SIM1: variants seen among roughly 807,000 people sequenced by gnomAD.
The protein encoded by SIM1 is single-minded homolog 1.
Under a neutral mutation model 78.2 loss-of-function variants are expected in SIM1, and 18 were observed. That is an observed-to-expected ratio of 0.23 (90% CI 0.16 to 0.34). The LOEUF (loss-of-function observed/expected upper bound fraction) is 0.34, where lower values mean the gene tolerates loss of function less well. Ranked by LOEUF, SIM1 falls within the 10% of genes least tolerant of loss-of-function variation. The pLI is 1.00. For missense variants in SIM1, 939 were observed against 975.1 expected (o/e 0.96, Z 0.49); for synonymous variants, 417 against 385.2 (o/e 1.08, Z -0.97).
chr6:100,448,168 G>A lies in SIM1; in HGVS notation c.828C>T (p.His276=), dbSNP rs1772411403. The A allele has an allele frequency of 4.3e-6, 7 of 1,613,652 alleles. No homozygotes were observed. Among genetic ancestry groups the A allele is most frequent in the Non-Finnish European group, 5.1e-6 (6 of 1,179,906 alleles). ...TACGCAAATGGTGCGCGCAGCGCAG[G>A]TGGAAGGTGTCGCAGCCGTGCACAT... ...YHHVHGCDTF[H]LRCAHHLLLV... The change falls in exon 8 of 12, where the codon CAC becomes CAT. Residue 276 remains histidine, a synonymous_variant. Coordinates refer to ENST00000369208, the MANE Select transcript of SIM1 (RefSeq NM_005068.3).
intron 10 of SIM1, among the ~76,000 whole-genome samples, chr6:100,412,751 GAAAAAAGA>G (rs1223338401): frequency 0.016 from 2,271 of 138,372 alleles, 44 homozygotes; most frequent in Middle Eastern, 0.034. Flanking sequence ...AAGAAAGAAA[GAAAAAAGA>G]AAAGAAAAAG....
At position 100,386,194 on chromosome 6, in the gene SIM1, C is replaced by T. The variant is rs891566025; in HGVS notation, c.*4167G>A. 1 of 151,966 alleles carries T rather than the reference C, an allele frequency of 6.6e-6. No individual in the cohort carries two copies. Among genetic ancestry groups the T allele is most frequent in the African/African-American group, 2.4e-5 (1 of 41,420 alleles). The allele number at this position is 151,966 out of a possible 1,614,324, so 9.4% of individuals were successfully genotyped here. A position where few individuals can be genotyped will look rare whatever the true frequency, so the allele number is the denominator to read the frequency against. On this transcript the variant is annotated 3_prime_UTR_variant, in exon 12 of 12. Transcript: ENST00000369208. ...TGTCAACATCTATGATTTGAGTGAA[C>T]TAGGGAACCAAATCTGGGCATTCAA...
chr6:100,431,697 C>A (rs1049913841), intron 9 of SIM1, among the ~76,000 whole-genome samples: 10 of 152,096 alleles, frequency 6.6e-5, no homozygotes, highest in African/African-American at 2.2e-4. Flanking sequence ...AACAACAGAG[C>A]CCGTTACCAA....
Position 100,388,473 on chromosome 6 carries a change from CT to C in SIM1, c.*1887del, listed in dbSNP as rs1480826523. 2 of 152,144 alleles carry C rather than the reference CT, an allele frequency of 1.3e-5. No individual in the cohort carries two copies. Among genetic ancestry groups the C allele is most frequent in the East Asian group, 3.8e-4 (2 of 5,202 alleles). The allele number at this position is 152,144 out of a possible 1,614,324, so 9.4% of individuals were successfully genotyped here. A position where few individuals can be genotyped will look rare whatever the true frequency, so the allele number is the denominator to read the frequency against. The stretch of plus-strand genomic sequence containing the variant: ...CCACTAACTTTCTCACTTACTTGCA[CT>C]TTTTTGCATTTACAGCACAAATGTT... On this transcript the variant is annotated 3_prime_UTR_variant, in exon 12 of 12. Transcript: ENST00000369208.
chr6:100,444,831 T>G (rs1772314779), intron 9 of SIM1, among the ~76,000 whole-genome samples: 1 of 152,126 alleles, frequency 6.6e-6, no homozygotes, highest in South Asian at 2.1e-4. Flanking sequence ...CACCAAAACA[T>G]CACAACCTCA....
chr6:100,449,568 T>A, intron 5 of SIM1, 23 bp downstream of exon 5: 1 of 1,597,338 alleles, frequency 6.3e-7, no homozygotes, highest in Non-Finnish European at 8.6e-7. Flanking sequence ...GGCCTGAGCG[T>A]CGCAGGCATG....
In SIM1 at chr6:100,387,719, T is replaced by C. The variant is rs899689149; in HGVS notation, c.*2642A>G. ...TTCTGTATTCTCTTAAAAATATTGG[T>C]CATGTCATTTTAAAGAGCATTATTC... is the stretch of plus-strand genomic sequence containing the variant. On this transcript the variant is annotated 3_prime_UTR_variant, in exon 12 of 12. Transcript: ENST00000369208. 1 of 152,244 alleles carries C rather than the reference T, an allele frequency of 6.6e-6. No homozygotes were observed. Among genetic ancestry groups the C allele is most frequent in the South Asian group, 2.1e-4 (1 of 4,832 alleles). 9.4% of individuals were successfully genotyped at this position (152,244 alleles called of 1,614,324 possible). A position where few individuals can be genotyped will look rare whatever the true frequency, so the allele number is the denominator to read the frequency against.
At chr6:100,411,679 G>T (rs1771194591) in intron 10 of SIM1, among the ~76,000 whole-genome samples, 1 of 152,044 alleles carries the variant, frequency 6.6e-6, no homozygotes, top group African/African-American at 2.4e-5. Context: ...GGGGAGGGAG[G>T]TGGATATGAA....
At chr6:100,456,813 C>G (rs1468082319) in intron 2 of SIM1, among the ~76,000 whole-genome samples, 1 of 152,198 alleles carries the variant, frequency 6.6e-6, no homozygotes, top group African/African-American at 2.4e-5. Context: ...CTTTACCCTC[C>G]GTGCTTAGTT....
At chr6:100,435,513 T>G (rs1258734133) in intron 9 of SIM1, among the ~76,000 whole-genome samples, 1 of 152,114 alleles carries the variant, frequency 6.6e-6, no homozygotes, top group Non-Finnish European at 1.5e-5. Flanking sequence ...TGTGAGTCTG[T>G]CTTACTCCTC....
intron 1 of SIM1, among the ~76,000 whole-genome samples, chr6:100,464,184 T>A (rs1364501697): frequency 6.6e-6 from 1 of 152,110 alleles, no homozygotes; most frequent in African/African-American, 2.4e-5. Context: ...AAAATACATA[T>A]TTCTGAAGAC....
At chr6:100,448,088 C>T in intron 8 of SIM1, 58 bp downstream of exon 8, 6 of 1,390,954 alleles carry the variant, frequency 4.3e-6, no homozygotes, top group Non-Finnish European at 6.0e-6. Flanking sequence ...GGCTCCCCCA[C>T]CCCCTAACCA....
chr6:100,460,931 C>T (rs2114558740), intron 2 of SIM1, among the ~76,000 whole-genome samples: 1 of 152,278 alleles, frequency 6.6e-6, no homozygotes, highest in Non-Finnish European at 1.5e-5. Flanking sequence ...CCCTGTCTAG[C>T]TCACTGGGTG....
At chr6:100,411,588 G>A (rs1271961955) in intron 10 of SIM1, among the ~76,000 whole-genome samples, 4 of 152,124 alleles carry the variant, frequency 2.6e-5, no homozygotes, top group South Asian at 2.1e-4. Flanking sequence ...CAAAGTGTCC[G>A]CACAATTTTT....
chr6:100,447,592 GCAT>G, intron 8 of SIM1, among the ~76,000 whole-genome samples, 177 bp from the exon 9 acceptor site: 1 of 152,358 alleles, frequency 6.6e-6, no homozygotes, highest in Middle Eastern at 3.4e-3. Flanking sequence ...CCGTGGTATT[GCAT>G]CGAGCCCTCC....
At chr6:100,426,192 G>A (rs1486587585) in intron 9 of SIM1, among the ~76,000 whole-genome samples, 3 of 152,200 alleles carry the variant, frequency 2.0e-5, no homozygotes, top group African/African-American at 7.2e-5. Context: ...AAAGCAGTCT[G>A]AAATGGGAAA....
In SIM1 at chr6:100,385,311, T is replaced by C. The variant is rs1016410173; in HGVS notation, c.*5050A>G. The C allele has an allele frequency of 6.6e-6, 1 of 152,044 alleles. No homozygotes were observed. The highest frequency in any genetic ancestry group is 1.5e-5 in the Non-Finnish European group (1 of 67,950). The allele number at this position is 152,044 out of a possible 1,614,324, so 9.4% of individuals were successfully genotyped here. A position where few individuals can be genotyped will look rare whatever the true frequency, so the allele number is the denominator to read the frequency against. On this transcript the variant is annotated 3_prime_UTR_variant, in exon 12 of 12. Coordinates refer to ENST00000369208, the MANE Select transcript of SIM1 (RefSeq NM_005068.3). Reference sequence around the variant, plus strand: ...AAATATAATCCTTTTTATAGCACATTAGTCAAAAAACAAATGTAAAATATT... The same window carrying C: ...AAATATAATCCTTTTTATAGCACATCAGTCAAAAAACAAATGTAAAATATT...
At position 100,463,442 on chromosome 6, in the gene SIM1, C is replaced by A. The variant is rs747311520; in HGVS notation, c.27G>T (p.Ala9=). ...TGTTTTCCTTCTCCCTCCTAGTCCG[C>A]GCAGCATTTTTGGACTTTTCTTTCA... MKEKSKNA[A]RTRREKENSE... Residue 9 remains alanine, a synonymous_variant, in exon 2 of 12, where the codon GCG becomes GCT. Coordinates refer to ENST00000369208, the MANE Select transcript of SIM1 (RefSeq NM_005068.3). 2 of 1,610,336 alleles carry A rather than the reference C, an allele frequency of 1.2e-6. No homozygotes were observed. The highest frequency in any genetic ancestry group is 1.7e-6 in the Non-Finnish European group (2 of 1,177,046).
In SIM1 at chr6:100,391,101, A is replaced by G; in HGVS notation, c.1571-10T>C. 6.4e-7 allele frequency: 1 copy of G among 1,560,096 alleles called. No homozygotes were observed. The highest frequency in any genetic ancestry group is 8.6e-7 in the Non-Finnish European group (1 of 1,157,610). On this transcript the variant is annotated splice_polypyrimidine_tract_variant and intron_variant, in intron 11 of 11. Coordinates refer to ENST00000369208, the MANE Select transcript of SIM1 (RefSeq NM_005068.3). ...TCCCAATGACCTCGCCCTAAAAATTAGAAAAAGTCAAAAGTAAGTGATCTC... is the reference window on the plus strand; with the variant it reads ...TCCCAATGACCTCGCCCTAAAAATTGGAAAAAGTCAAAAGTAAGTGATCTC...
Sources: allele counts gnomAD v4.1 joint callset (sites outside exome capture counted in the v4.1 genomes callset), GRCh38; gene constraint gnomAD v4.1.1; transcripts MANE v1.5; gene names NCBI Gene and HGNC (gene_info 2026-07-23, HGNC 2026-07-21).